SLC9A9: variants seen among roughly 807,000 people sequenced by gnomAD.
SLC9A9 encodes sodium/hydrogen exchanger 9.
A neutral mutation model predicts 77.8 loss-of-function variants in SLC9A9; 62 were observed. The ratio of observed to expected loss-of-function variants is 0.80; its 90% CI spans 0.65 to 0.98. SLC9A9 has a LOEUF of 0.98. Among genes scored for constraint, SLC9A9 ranks in the 50% least tolerant of loss-of-function variants. The pLI, the probability that SLC9A9 is intolerant of heterozygous loss-of-function variation, is 0.00. For missense variants in SLC9A9, 775 were observed against 774.9 expected (o/e 1.00, Z 0.00); for synonymous variants, 320 against 283.5 (o/e 1.13, Z -1.29).
At chr3:143,409,816 G>A (rs2034056563) in intron 12 of SLC9A9, among the ~76,000 whole-genome samples, 1 of 152,174 alleles carries the variant, frequency 6.6e-6, no homozygotes, top group Non-Finnish European at 1.5e-5. Flanking sequence ...ATCTTGACCA[G>A]CAATTCTTTT....
At chr3:143,605,473 T>C (rs538442436) in intron 6 of SLC9A9, among the ~76,000 whole-genome samples, 2 of 152,334 alleles carry the variant, frequency 1.3e-5, no homozygotes, top group African/African-American at 4.8e-5. Flanking sequence ...TGTTGGAACA[T>C]GAACTTTCTG....
intron 14 of SLC9A9, among the ~76,000 whole-genome samples, chr3:143,271,518 C>T (rs994846176): frequency 4.6e-5 from 7 of 152,096 alleles, no homozygotes; most frequent in Non-Finnish European, 1.0e-4. Flanking sequence ...CTGGAGAAAC[C>T]GGTGTCTCAT....
chr3:143,345,954 C>G (rs1169122948), intron 14 of SLC9A9, among the ~76,000 whole-genome samples: 1 of 152,032 alleles, frequency 6.6e-6, no homozygotes, highest in Non-Finnish European at 1.5e-5. Flanking sequence ...CATATGCCAC[C>G]CTAATACAGC....
chr3:143,592,897 T>C (rs891123904), intron 6 of SLC9A9, among the ~76,000 whole-genome samples: 3 of 152,112 alleles, frequency 2.0e-5, no homozygotes, highest in Non-Finnish European at 2.9e-5. Context: ...TGTCTGCATA[T>C]ACATGTCATT....
intron 13 of SLC9A9, among the ~76,000 whole-genome samples, chr3:143,364,139 G>C (rs1470968835): frequency 6.6e-6 from 1 of 151,896 alleles, no homozygotes; most frequent in Non-Finnish European, 1.5e-5. Flanking sequence ...GGGCCATAAA[G>C]GGTGAGAGGA....
rs1241743372 is a variant in SLC9A9 at position 143,577,993 on chromosome 3, T to C, written c.894+592A>G. Among the ~76,000 whole-genome samples the C allele has an allele frequency of 7.9e-5, 12 of 152,292 alleles. No homozygotes were observed. The South Asian group carries it at 2.3e-3, about 29-fold the overall frequency. On this transcript the variant is annotated intron_variant, in intron 7 of 15. Transcript: ENST00000316549. ...TCAGATTCTCTAGAAACTCCATCTA[T>C]CATCCCAACTTCCTAACAACAACAA...
chr3:143,548,299 G>A (rs1057038958), intron 9 of SLC9A9, among the ~76,000 whole-genome samples: 16 of 152,090 alleles, frequency 1.1e-4, no homozygotes, highest in African/African-American at 3.6e-4. Flanking sequence ...GTCTGGGGGT[G>A]GTGGGGGTGG....
intron 3 of SLC9A9, among the ~76,000 whole-genome samples, chr3:143,796,160 C>T (rs1028952166): frequency 2.6e-5 from 4 of 152,198 alleles, no homozygotes; most frequent in Non-Finnish European, 1.5e-5. Context: ...ATGTGAATTA[C>T]TAATGTACAA....
intron 12 of SLC9A9, among the ~76,000 whole-genome samples, chr3:143,415,315 A>G (rs1406314595): frequency 6.6e-6 from 1 of 152,226 alleles, no homozygotes; most frequent in Non-Finnish European, 1.5e-5. Context: ...CTTACGTTGG[A>G]AAAAGATGCC....
chr3:143,654,480 C>A (rs1280751825), intron 5 of SLC9A9, among the ~76,000 whole-genome samples: 2 of 152,146 alleles, frequency 1.3e-5, no homozygotes, highest in Non-Finnish European at 2.9e-5. Context: ...AACTTTTAGA[C>A]GTTGCAGTTG....
At chr3:143,300,790 T>C (rs2030486281) in intron 14 of SLC9A9, among the ~76,000 whole-genome samples, 3 of 152,242 alleles carry the variant, frequency 2.0e-5, no homozygotes, top group Admixed American at 1.3e-4. Context: ...GTACCACTCT[T>C]TAAAGCACTC....
At chr3:143,537,124 T>TCAGCATCTGGTGTC (rs1372348790) in intron 9 of SLC9A9, among the ~76,000 whole-genome samples, 1 of 152,220 alleles carries the variant, frequency 6.6e-6, no homozygotes, top group Non-Finnish European at 1.5e-5. Flanking sequence ...TGACAGGACC[T>TCAGCATCTGGTGTC]CAGCATCTGG....
intron 4 of SLC9A9, among the ~76,000 whole-genome samples, chr3:143,774,613 G>A (rs1330816900): frequency 3.3e-5 from 5 of 152,166 alleles, no homozygotes; most frequent in Non-Finnish European, 7.3e-5. Flanking sequence ...GCCTGGAAGT[G>A]TTAGCTCTTA....
intron 8 of SLC9A9, among the ~76,000 whole-genome samples, chr3:143,562,705 T>A (rs2037107176): frequency 1.3e-5 from 2 of 151,126 alleles, no homozygotes; most frequent in Admixed American, 1.3e-4. Flanking sequence ...CCAATAAAAA[T>A]AAAATCTGAT....
At chr3:143,836,812 G>A (rs1235122005) in intron 1 of SLC9A9, among the ~76,000 whole-genome samples, 1 of 152,132 alleles carries the variant, frequency 6.6e-6, no homozygotes, top group Non-Finnish European at 1.5e-5. Context: ...AGGACTTGTA[G>A]GAGTTATTAT....
chr3:143,744,574 C>T (rs1163975977), intron 4 of SLC9A9, among the ~76,000 whole-genome samples: 1 of 152,158 alleles, frequency 6.6e-6, no homozygotes, highest in Non-Finnish European at 1.5e-5. Flanking sequence ...GCGATTTTCT[C>T]ATCAGCGAAA....
chr3:143,743,902 A>T (rs935307975), intron 4 of SLC9A9, among the ~76,000 whole-genome samples: 1 of 152,206 alleles, frequency 6.6e-6, no homozygotes, highest in African/African-American at 2.4e-5. Context: ...TCTGCTGCAC[A>T]ATTCTTTGGA....
intron 13 of SLC9A9, among the ~76,000 whole-genome samples, chr3:143,367,584 T>C (rs536765817): frequency 1.3e-5 from 2 of 152,278 alleles, no homozygotes; most frequent in African/African-American, 4.8e-5. Flanking sequence ...GGGTTGAAGA[T>C]AAATGTGCTA....
chr3:143,532,985 C>A (rs1316189930), intron 9 of SLC9A9, among the ~76,000 whole-genome samples: 22 of 152,204 alleles, frequency 1.4e-4, no homozygotes, highest in Admixed American at 1.4e-3. Context: ...CCCCAGAGAA[C>A]CCTGTTACTC....
Sources: allele counts gnomAD v4.1 joint callset (sites outside exome capture counted in the v4.1 genomes callset), GRCh38; gene constraint gnomAD v4.1.1; transcripts MANE v1.5; gene names NCBI Gene and HGNC (gene_info 2026-07-23, HGNC 2026-07-21).